SMYD3: variants seen among roughly 807,000 people sequenced by gnomAD.
SMYD3 encodes SET and MYND domain containing 3.
Under a neutral mutation model 57.7 loss-of-function variants are expected in SMYD3, and 36 were observed. The ratio of observed to expected loss-of-function variants is 0.62; its 90% confidence interval spans 0.48 to 0.82. SMYD3 has a LOEUF of 0.82. Among genes scored for constraint, SMYD3 ranks in the 40% least tolerant of loss-of-function variants. The probability of loss-of-function intolerance (pLI) is 0.00; values close to 1 mark genes in which losing one functional copy is unlikely to be tolerated. For synonymous variants in SMYD3, 211 were observed against 195.0 expected (o/e 1.08, Z -0.68); for missense variants, 515 against 538.8 (o/e 0.96, Z 0.44).
At chr1:246,159,650 A>G (rs1042465696) in intron 5 of SMYD3, among the ~76,000 whole-genome samples, 1 of 152,132 alleles carries the variant, frequency 6.6e-6, no homozygotes, top group Non-Finnish European at 1.5e-5. Flanking sequence ...GAAGCATCCT[A>G]GGCAGGGCCA....
intron 1 of SMYD3, chr1:246,483,758 T>C (rs1463308617): frequency 6.6e-6 from 1 of 152,174 alleles, no homozygotes; most frequent in East Asian, 1.9e-4. Context: ...TCACATTCTT[T>C]CTCCTCTCTC....
Position 246,371,389 on chromosome 1 carries a change from A to G in SMYD3, c.165-16295T>C, listed in dbSNP as rs563460368. On this transcript the variant is annotated intron_variant, in intron 1 of 11. Transcript: ENST00000490107. ...TTCTAGTAACAACACCCGTCCCTAA[A>G]TAAGCAACCTCTTCAGTCTAGTCTA... Among the ~76,000 whole-genome samples, 170 of 152,296 alleles carry G rather than the reference A, an allele frequency of 1.1e-3. 1 individual carries two copies. Among genetic ancestry groups the G allele is most frequent in the Admixed American group, 2.0e-3 (31 of 15,290 alleles).
chr1:246,255,312 ATCT>A (rs1377843327), intron 5 of SMYD3, among the ~76,000 whole-genome samples: 1 of 149,838 alleles, frequency 6.7e-6, no homozygotes, highest in Non-Finnish European at 1.5e-5. Context: ...TATTTGATGG[ATCT>A]TATTATAATA....
chr1:246,311,399 T>G (rs2065074174), intron 5 of SMYD3, among the ~76,000 whole-genome samples: 1 of 152,224 alleles, frequency 6.6e-6, no homozygotes. Flanking sequence ...AAGCCTGCCA[T>G]AATGATTAGC....
chr1:246,075,229 A>G (rs1247006213), intron 5 of SMYD3, among the ~76,000 whole-genome samples: 1 of 152,226 alleles, frequency 6.6e-6, no homozygotes, highest in Non-Finnish European at 1.5e-5. Context: ...TAAAAATGTG[A>G]TATGAATAAA....
At chr1:246,409,511 C>T (rs1389747964) in intron 1 of SMYD3, among the ~76,000 whole-genome samples, 1 of 152,132 alleles carries the variant, frequency 6.6e-6, no homozygotes, top group African/African-American at 2.4e-5. Context: ...TTTCTGAGGG[C>T]TCTGTTCTGT....
intron 1 of SMYD3, among the ~76,000 whole-genome samples, chr1:246,461,543 C>T (rs1246894933): frequency 6.6e-6 from 1 of 151,776 alleles, no homozygotes; most frequent in Non-Finnish European, 1.5e-5. Flanking sequence ...AAAACATATA[C>T]TTGCTACTTA....
At chr1:246,102,560 T>A (rs2061033904) in intron 5 of SMYD3, among the ~76,000 whole-genome samples, 1 of 152,032 alleles carries the variant, frequency 6.6e-6, no homozygotes, top group South Asian at 2.1e-4. Context: ...AACCCTACAG[T>A]CCCTTCTTGG....
At chr1:245,859,913 C>G (rs958640271) in intron 9 of SMYD3, among the ~76,000 whole-genome samples, 1 of 152,146 alleles carries the variant, frequency 6.6e-6, no homozygotes, top group Non-Finnish European at 1.5e-5. Flanking sequence ...AAATGACTCA[C>G]GTCAACGTAA....
At chr1:245,945,660 T>C (rs942775737) in intron 5 of SMYD3, among the ~76,000 whole-genome samples, 5 of 152,206 alleles carry the variant, frequency 3.3e-5, no homozygotes, top group Admixed American at 3.3e-4. Context: ...CAAAGATACA[T>C]GCATGTCTAT....
intron 1 of SMYD3, among the ~76,000 whole-genome samples, chr1:246,424,981 T>C (rs2067197855): frequency 6.6e-6 from 1 of 152,244 alleles, no homozygotes; most frequent in South Asian, 2.1e-4. Flanking sequence ...GTACTAACTA[T>C]GATAGAATTC....
intron 5 of SMYD3, among the ~76,000 whole-genome samples, chr1:245,961,149 C>T: frequency 6.6e-6 from 1 of 152,158 alleles, no homozygotes; most frequent in East Asian, 1.9e-4. Flanking sequence ...GTGGTCTACT[C>T]TGCATTCTCC....
At chr1:246,161,861 C>T (rs532576444) in intron 5 of SMYD3, among the ~76,000 whole-genome samples, 2 of 152,204 alleles carry the variant, frequency 1.3e-5, no homozygotes, top group South Asian at 4.2e-4. Context: ...CTAGTTAAGC[C>T]AATAGCAGGC....
At chr1:245,846,264 C>G (rs539708014) in intron 10 of SMYD3, among the ~76,000 whole-genome samples, 6 of 152,166 alleles carry the variant, frequency 3.9e-5, no homozygotes, top group Non-Finnish European at 8.8e-5. Context: ...AGACTGCATC[C>G]CTGAATTCCA....
intron 5 of SMYD3, among the ~76,000 whole-genome samples, chr1:246,258,785 TTTTC>T (rs1368159162): frequency 3.3e-5 from 5 of 151,810 alleles, no homozygotes; most frequent in African/African-American, 1.2e-4. Context: ...CTTAGGGAAA[TTTTC>T]TTTAATTCCT....
intron 5 of SMYD3, among the ~76,000 whole-genome samples, chr1:246,073,523 C>G (rs2060493171): frequency 2.0e-5 from 3 of 151,946 alleles, no homozygotes; most frequent in African/African-American, 7.3e-5. Flanking sequence ...TCAAGACCAG[C>G]CTGGGCAACA....
intron 1 of SMYD3, among the ~76,000 whole-genome samples, chr1:246,464,921 G>C (rs2067860515): frequency 6.6e-6 from 1 of 152,184 alleles, no homozygotes; most frequent in Non-Finnish European, 1.5e-5. Flanking sequence ...CTTGACTTGG[G>C]AAACTTGAGA....
At chr1:245,971,435 T>A (rs199569611) in intron 5 of SMYD3, among the ~76,000 whole-genome samples, 1 of 92,382 alleles carries the variant, frequency 1.1e-5, no homozygotes, top group African/African-American at 4.4e-5. Context: ...TCCCAGAACT[T>A]AAAGTATAAT....
At chr1:246,093,667 C>A (rs2060860924) in intron 5 of SMYD3, among the ~76,000 whole-genome samples, 1 of 151,616 alleles carries the variant, frequency 6.6e-6, no homozygotes, top group African/African-American at 2.4e-5. Flanking sequence ...TTATTACGTA[C>A]AATTATTATG....
Sources: allele counts gnomAD v4.1 joint callset (sites outside exome capture counted in the v4.1 genomes callset), GRCh38; gene constraint gnomAD v4.1.1; transcripts MANE v1.5; gene names NCBI Gene and HGNC (gene_info 2026-07-23, HGNC 2026-07-21).